MYOT: variants seen among roughly 807,000 people sequenced by gnomAD.
The protein encoded by MYOT is 57 kDa cytoskeletal protein.
In MYOT, 36 loss-of-function variants were observed where a neutral mutation model predicts 58.0. The ratio of observed to expected loss-of-function variants is 0.62; its 90% confidence interval spans 0.48 to 0.82. The LOEUF (loss-of-function observed/expected upper bound fraction) is 0.82. Among genes scored for constraint, MYOT ranks in the 40% least tolerant of loss-of-function variants. MYOT has a pLI of 0.00. For synonymous variants in MYOT, 218 were observed against 204.6 expected (o/e 1.07, Z -0.56); for missense variants, 505 against 592.1 (o/e 0.85, Z 1.53).
intron 1 of MYOT, among the ~76,000 whole-genome samples, chr5:137,870,016 C>G (rs912283520): frequency 6.7e-6 from 1 of 149,708 alleles, no homozygotes; most frequent in African/African-American, 2.5e-5. Context: ...CAGCTGGGTG[C>G]GGGGGCTCAT....
chr5:137,882,691 G>C (rs1219792209), intron 6 of MYOT: 1 of 160,550 alleles, frequency 6.2e-6, no homozygotes, highest in Non-Finnish European at 1.4e-5. Flanking sequence ...GAGCCACTGT[G>C]CCCAGCCTTA....
At chr5:137,881,707 T>G (rs1755435881) in intron 5 of MYOT, among the ~76,000 whole-genome samples, 1 of 152,110 alleles carries the variant, frequency 6.6e-6, no homozygotes. Flanking sequence ...ATTTATTTAT[T>G]TATCTTTGAG....
At chr5:137,879,090 G>A (rs1350993128) in intron 4 of MYOT, among the ~76,000 whole-genome samples, 3 of 151,980 alleles carry the variant, frequency 2.0e-5, no homozygotes, top group Non-Finnish European at 4.4e-5. Context: ...TGCGCACACC[G>A]TGCTGGCTAG....
intron 7 of MYOT, 128 bp from the exon 8 acceptor site, chr5:137,885,920 G>C (rs1755585762): frequency 3.3e-6 from 2 of 601,706 alleles, no homozygotes; most frequent in Non-Finnish European, 5.8e-6. Flanking sequence ...CTTTTTTACT[G>C]AGTTTCTTTC....
In MYOT at chr5:137,877,494, T is replaced by C. The variant is rs761684925; in HGVS notation, c.532-26T>C. The C allele has an allele frequency of 2.4e-5, 36 of 1,488,838 alleles. No individual in the cohort carries two copies. In the Admixed American group the frequency reaches 5.0e-4, roughly 21 times the overall value. The allele number at this position is 1,488,838 out of a possible 1,614,324, so 92.2% of individuals were successfully genotyped here. On this transcript the variant is annotated intron_variant, in intron 3 of 9. Coordinates refer to ENST00000239926, the MANE Select transcript of MYOT (RefSeq NM_006790.3). ...TACAAACATCTTTTATTAAATCTAA[T>C]TACTGTCTCAATAAATTCTCTAAAG... is the stretch of plus-strand genomic sequence containing the variant.
chr5:137,870,625 C>G lies in MYOT; in HGVS notation c.-27C>G. 1.3e-6 allele frequency: 2 copies of G among 1,576,792 alleles called. No individual in the cohort carries two copies. Among genetic ancestry groups the G allele is most frequent in the Non-Finnish European group, 1.7e-6 (2 of 1,146,090 alleles). On this transcript the variant is annotated 5_prime_UTR_variant, in exon 2 of 10. Coordinates refer to ENST00000239926, the MANE Select transcript of MYOT (RefSeq NM_006790.3). ...AACAAATCATTATAGTAATAATTTGCCTTCATCTTCCATATACCAACTAAG... is the reference window on the plus strand; with the variant it reads ...AACAAATCATTATAGTAATAATTTGGCTTCATCTTCCATATACCAACTAAG...
intron 7 of MYOT, 170 bp downstream of exon 7, chr5:137,883,761 TAC>T (rs1436989692): frequency 4.9e-6 from 3 of 609,200 alleles, no homozygotes; most frequent in East Asian, 5.8e-5. Context: ...TATATATATA[TAC>T]ACACACATAC....
chr5:137,880,747 A>G, intron 4 of MYOT, 69 bp from the exon 5 acceptor site: 1 of 1,256,560 alleles, frequency 8.0e-7, no homozygotes, highest in East Asian at 2.3e-5. Flanking sequence ...TTCAACTGTA[A>G]CTACTTAATT....
In MYOT at chr5:137,887,006, T is replaced by C. The variant is rs771927600; in HGVS notation, c.1324+9T>C. 1.2e-6 allele frequency: 2 copies of C among 1,612,128 alleles called. No individual in the cohort carries two copies. The highest frequency in any genetic ancestry group is 1.7e-6 in the Non-Finnish European group (2 of 1,178,180). ...AAGATTAGACGTTACGGGTATGTCA[T>C]ACTATTAACCAAAGTATTATAAGGG... is the stretch of plus-strand genomic sequence containing the variant. On this transcript the variant is annotated intron_variant, in intron 9 of 9. Coordinates refer to ENST00000239926, the MANE Select transcript of MYOT (RefSeq NM_006790.3).
At chr5:137,886,273 T>A in intron 8 of MYOT, 60 bp downstream of exon 8, 1 of 1,282,862 alleles carries the variant, frequency 7.8e-7, no homozygotes, top group Non-Finnish European at 1.1e-6. Flanking sequence ...TTATACTTTT[T>A]AACATGCATT....
Position 137,882,110 on chromosome 5 carries a change from G to T in MYOT, c.816+5G>T, listed in dbSNP as rs750433300. 1.7e-5 allele frequency: 27 copies of T among 1,614,032 alleles called. No individual in the cohort carries two copies. The highest frequency in any genetic ancestry group is 2.2e-5 in the Non-Finnish European group (26 of 1,180,002). On this transcript the variant is annotated splice_donor_5th_base_variant and intron_variant, in intron 6 of 9. Coordinates refer to ENST00000239926, the MANE Select transcript of MYOT (RefSeq NM_006790.3). The stretch of plus-strand genomic sequence containing the variant: ...TTCTGCAGAATGGACTTCAAAGTAA[G>T]AGAAGGGTTCAAAAGTACTGGGGGA...
chr5:137,874,422 G>A (rs762920209), intron 2 of MYOT, among the ~76,000 whole-genome samples: 15 of 152,028 alleles, frequency 9.9e-5, no homozygotes, highest in Non-Finnish European at 1.6e-4. Flanking sequence ...AGCCGAGATC[G>A]CGCCACTGCA....
chr5:137,872,836 A>G (rs1391677435), intron 2 of MYOT, among the ~76,000 whole-genome samples: 1 of 152,214 alleles, frequency 6.6e-6, no homozygotes, highest in Non-Finnish European at 1.5e-5. Flanking sequence ...GTTCCTTCCA[A>G]AAAGCTTGCT....
In MYOT at chr5:137,875,808, TTTTC is replaced by T. The variant is rs1478034492; in HGVS notation, c.357-17_357-14del. ...GGCCAAGACCTTCTTTTTAAAAATC[TTTTC>T]TTTTTCCTTTTTAAAGCTATCAACA... On this transcript the variant is annotated splice_polypyrimidine_tract_variant and intron_variant, in intron 2 of 9. Coordinates refer to ENST00000239926, the MANE Select transcript of MYOT (RefSeq NM_006790.3). 2 of 1,613,542 alleles carry T rather than the reference TTTTC, an allele frequency of 1.2e-6. No individual in the cohort carries two copies. Among genetic ancestry groups the T allele is most frequent in the Non-Finnish European group, 1.7e-6 (2 of 1,179,686 alleles).
chr5:137,886,333 GA>G, intron 8 of MYOT, 120 bp downstream of exon 8: 1 of 523,500 alleles, frequency 1.9e-6, no homozygotes, highest in South Asian at 4.1e-5. Context: ...AAACACTAAA[GA>G]ATAATATAAT....
rs1329816481 is a variant in MYOT, at chr5:137,887,277, T to C, written c.1389T>C (p.Tyr463=). The C allele has an allele frequency of 6.2e-7, 1 of 1,613,918 alleles. No homozygotes were observed. Among genetic ancestry groups the C allele is most frequent in the Non-Finnish European group, 8.5e-7 (1 of 1,179,980 alleles). Residue 463 remains tyrosine (Y), a synonymous_variant, in exon 10 of 10, where the codon TAT becomes TAC. Coordinates refer to ENST00000239926, the MANE Select transcript of MYOT (RefSeq NM_006790.3). ...QLRVRPTFSK[Y]LALNGKGLNV... is the part of the protein sequence containing the mutation. ...GGGTTCGACCAACATTCAGCAAATA[T>C]TTAGCACTTAATGGGAAAGGTTTGA...
rs982468554 is a variant in MYOT, at chr5:137,875,864, C to A, written c.392C>A (p.Ala131Glu). 8 of 1,614,030 alleles carry A rather than the reference C, an allele frequency of 5.0e-6. No individual in the cohort carries two copies. Among genetic ancestry groups the A allele is most frequent in the Middle Eastern group, 1.7e-4 (1 of 6,060 alleles). ...TCCTCAGCTGGCCAACCTATAAATGCAAAGCCATCCCAAACTGCAAATGCT... is the reference window on the plus strand; with the variant it reads ...TCCTCAGCTGGCCAACCTATAAATGAAAAGCCATCCCAAACTGCAAATGCT... The part of the protein sequence containing the change: ...QQSSAGQPIN[A>E]KPSQTANAKP... Residue 131 changes from alanine to glutamate, a missense_variant, in exon 3 of 10, where the codon GCA (alanine) becomes GAA (glutamate). Physicochemically the swap from Ala to Glu is moderately radical, Grantham distance 107 (BLOSUM62 -1). Coordinates refer to ENST00000239926, the MANE Select transcript of MYOT (RefSeq NM_006790.3).
In MYOT at chr5:137,877,829, C is replaced by T. The variant is rs141030123; in HGVS notation, c.633+208C>T. ...GTAGTTCTAATACCTGGATACACAA[C>T]GTCACAAAATCAAAACACAAGAAGT... On this transcript the variant is annotated intron_variant, in intron 4 of 9. Coordinates refer to ENST00000239926, the MANE Select transcript of MYOT (RefSeq NM_006790.3). 2.8e-4 allele frequency among the ~76,000 whole-genome samples: 42 copies of T among 152,256 alleles called. No homozygotes were observed. In the East Asian group the frequency reaches 7.1e-3, roughly 26 times the overall value.
At position 137,870,904 on chromosome 5, in the gene MYOT, GT is replaced by G; in HGVS notation, c.255del (p.Thr86GlnfsTer44). On this transcript the variant is annotated frameshift_variant, in exon 2 of 10. Transcript: ENST00000239926. LOFTEE classifies it high-confidence loss of function. ...TGCTGGCTCCAACCCAGGCCAAAGGGTTACAACCACCTATAACCAGTCCCCA... is the reference window on the plus strand; with the variant it reads ...TGCTGGCTCCAACCCAGGCCAAAGGGTACAACCACCTATAACCAGTCCCCA... The part of the protein sequence containing the change: ...QHAGSNPGQR[V>X]TTTYNQSPAS... 1 of 1,614,142 alleles carries G rather than the reference GT, an allele frequency of 6.2e-7. No homozygotes were observed. The highest frequency in any genetic ancestry group is 2.2e-5 in the East Asian group (1 of 44,888).
Sources: allele counts gnomAD v4.1 joint callset (sites outside exome capture counted in the v4.1 genomes callset), GRCh38; gene constraint gnomAD v4.1.1; transcripts MANE v1.5; gene names NCBI Gene and HGNC (gene_info 2026-07-23, HGNC 2026-07-21).